Variants in NRG1 observed in about 807,000 individuals in gnomAD.
NRG1 encodes pro-neuregulin-1, membrane-bound isoform.
Under a neutral mutation model 63.8 loss-of-function variants are expected in NRG1, and 18 were observed. The ratio of observed to expected loss-of-function variants is 0.28; its 90% CI spans 0.19 to 0.42. The LOEUF (loss-of-function observed/expected upper bound fraction) is 0.42. NRG1 is among the 10% of genes least tolerant of loss of function. The probability of loss-of-function intolerance (pLI) is 1.00; values close to 1 mark genes in which losing one functional copy is unlikely to be tolerated. For missense variants in NRG1, 762 were observed against 814.7 expected, an observed-to-expected ratio of 0.94 and a Z score of 0.79; for synonymous variants, 302 against 301.3, an observed-to-expected ratio of 1.00 and a Z score of -0.02.
At chr8:32,325,623 C>T (rs1801905712) in intron 1 of NRG1, among the ~76,000 whole-genome samples, 1 of 152,178 alleles carries the variant, frequency 6.6e-6, no homozygotes, top group Admixed American at 6.5e-5. Context: ...AAGTGATTCT[C>T]CTGCCTCGGC....
intron 1 of NRG1, among the ~76,000 whole-genome samples, chr8:32,436,276 C>G (rs1818778715): frequency 1.3e-5 from 2 of 152,086 alleles, no homozygotes; most frequent in Admixed American, 6.6e-5. Flanking sequence ...AGGGAAACCA[C>G]CCCCATGATT....
intron 1 of NRG1, among the ~76,000 whole-genome samples, chr8:32,524,378 C>A (rs527767255): frequency 1.3e-5 from 2 of 152,260 alleles, no homozygotes; most frequent in South Asian, 2.1e-4. Flanking sequence ...CCTTCTACGG[C>A]AACAAATTCC....
chr8:32,697,974 A>G (rs1813789499), intron 5 of NRG1, among the ~76,000 whole-genome samples: 1 of 152,166 alleles, frequency 6.6e-6, no homozygotes, highest in African/African-American at 2.4e-5. Context: ...TTGGGAGGCC[A>G]AGGCAGGCAG....
intron 1 of NRG1, among the ~76,000 whole-genome samples, chr8:31,742,214 TAAAA>T (rs1554519451): frequency 6.6e-6 from 1 of 151,792 alleles, no homozygotes; most frequent in Non-Finnish European, 1.5e-5. Flanking sequence ...GGAGAATGAT[TAAAA>T]GAGATTCAGA....
rs113874547 is a variant in NRG1 at position 32,280,680 on chromosome 8, G to T, written c.38-315148G>T. 3.0e-3 allele frequency among the ~76,000 whole-genome samples: 161 copies of T among 53,662 alleles called. 2 individuals carry two copies. Among genetic ancestry groups the T allele is most frequent in the African/African-American group, 5.0e-3 (72 of 14,362 alleles). The allele number at this position is 53,662 out of a possible 152,430, so 35.2% of individuals were successfully genotyped here. ...GGTGTCTTTCATGCAACTGAATTAG[G>T]TTTTTTTTTTGTTTTTTTTTTTTTT... On this transcript the variant is annotated intron_variant, in intron 1 of 10. Coordinates refer to the NRG1 transcript ENST00000519301.
intron 1 of NRG1, chr8:31,639,646 C>G: frequency 7.1e-7 from 1 of 1,403,462 alleles, no homozygotes; most frequent in South Asian, 1.6e-5. Flanking sequence ...GACAGCAGCC[C>G]CGACAGCAGG....
intron 5 of NRG1, among the ~76,000 whole-genome samples, chr8:32,680,965 TAAC>T (rs71993419): frequency 0.044 from 6,702 of 152,202 alleles, 278 homozygotes; most frequent in Middle Eastern, 0.12. Context: ...AGATGTTCTG[TAAC>T]AAGCATAAGA....
chr8:32,671,173 A>G (rs1805565595), intron 5 of NRG1, among the ~76,000 whole-genome samples: 1 of 147,064 alleles, frequency 6.8e-6, no homozygotes. Context: ...TCCTTGAATG[A>G]TTCTAGGTTA....
chr8:32,284,520 TTCCTTCC>T (rs1853287715), intron 1 of NRG1, among the ~76,000 whole-genome samples: 1 of 151,212 alleles, frequency 6.6e-6, no homozygotes, highest in Admixed American at 6.6e-5. Context: ...CCTTCCTTCC[TTCCTTCC>T]TTCCTTCCTT....
At chr8:32,035,698 A>G (rs909873863) in intron 1 of NRG1, among the ~76,000 whole-genome samples, 5 of 151,898 alleles carry the variant, frequency 3.3e-5, no homozygotes, top group Non-Finnish European at 5.9e-5. Context: ...GCCTGCCCTT[A>G]TTTGTCTTTT....
At chr8:32,089,335 A>G (rs1162888503) in intron 1 of NRG1, among the ~76,000 whole-genome samples, 1 of 152,204 alleles carries the variant, frequency 6.6e-6, no homozygotes, top group Non-Finnish European at 1.5e-5. Flanking sequence ...TGTTACCCAC[A>G]CTTAGTCAAC....
At chr8:32,667,856 A>AT (rs1804611829) in intron 5 of NRG1, among the ~76,000 whole-genome samples, 1 of 152,100 alleles carries the variant, frequency 6.6e-6, no homozygotes, top group Non-Finnish European at 1.5e-5. Context: ...ATCTCATTAC[A>AT]TTTTTCCATA....
chr8:31,852,523 G>A (rs1272274602), intron 1 of NRG1, among the ~76,000 whole-genome samples: 3 of 151,986 alleles, frequency 2.0e-5, no homozygotes, highest in Non-Finnish European at 4.4e-5. Context: ...TATGTCAGAT[G>A]AGTAGGTTGC....
chr8:32,563,543 T>C (rs1387331604), intron 1 of NRG1, among the ~76,000 whole-genome samples: 1 of 152,238 alleles, frequency 6.6e-6, no homozygotes, highest in East Asian at 1.9e-4. Context: ...TTGTGATCTC[T>C]CAGATACCTT....
chr8:32,254,706 C>T (rs1488771638), intron 1 of NRG1, among the ~76,000 whole-genome samples: 2 of 152,154 alleles, frequency 1.3e-5, no homozygotes, highest in African/African-American at 4.8e-5. Flanking sequence ...TAGTCCAGAG[C>T]TGAGTTCAAT....
chr8:31,844,745 A>G (rs1291661069), intron 1 of NRG1, among the ~76,000 whole-genome samples: 1 of 152,116 alleles, frequency 6.6e-6, no homozygotes, highest in African/African-American at 2.4e-5. Flanking sequence ...TCATATTTTT[A>G]AAAATGCCTC....
rs560335090 is a variant in NRG1 at position 32,541,758 on chromosome 8, T to C, written c.38-54070T>C. On this transcript the variant is annotated intron_variant, in intron 1 of 10. Transcript: ENST00000519301. ...CTCTCTCTTGGCTGTATAATAAATA[T>C]TCACAGAAAATGACCGCCAAGTATG... Among the ~76,000 whole-genome samples the C allele has an allele frequency of 3.1e-4, 47 of 152,292 alleles. No individual in the cohort carries two copies. The South Asian group carries it at 3.3e-3, about 11-fold the overall frequency.
At chr8:32,324,311 G>A (rs745405937) in intron 1 of NRG1, among the ~76,000 whole-genome samples, 2 of 152,166 alleles carry the variant, frequency 1.3e-5, no homozygotes, top group African/African-American at 2.4e-5. Flanking sequence ...TCTCCAAATC[G>A]TGCAGGAGGA....
chr8:32,258,407 C>T (rs536439010), intron 1 of NRG1, among the ~76,000 whole-genome samples: 34 of 152,204 alleles, frequency 2.2e-4, no homozygotes, highest in Non-Finnish European at 5.0e-4. Context: ...CCTTACAACA[C>T]TGTAAGTACT....
Sources: gnomAD v4.1 joint callset for allele counts (sites outside exome capture counted in the v4.1 genomes callset) on GRCh38, gnomAD v4.1.1 for gene constraint, MANE v1.5 for transcripts, NCBI Gene and HGNC (gene_info 2026-07-23, HGNC 2026-07-21) for gene names.